The following AK5 variants were observed in gnomAD, a reference collection of about 807,000 sequenced individuals.
AK5 encodes adenylate kinase 5, also known as adenylate kinase isoenzyme 5.
AK5 carries 27 observed loss-of-function variants against 69.5 expected under a neutral mutation model. The ratio of observed to expected loss-of-function variants is 0.39; its 90% CI spans 0.29 to 0.54. The LOEUF (loss-of-function observed/expected upper bound fraction) is 0.54, where lower values mean the gene tolerates loss of function less well. Ranked by LOEUF, AK5 falls within the 20% of genes least tolerant of loss-of-function variation. The pLI is 0.71. For synonymous variants in AK5, 260 were observed against 244.4 expected, an observed-to-expected ratio of 1.06 and a Z score of -0.60; for missense variants, 531 against 700.4, an observed-to-expected ratio of 0.76 and a Z score of 2.73.
chr1:77,386,647 T>C (rs11162332), intron 6 of AK5, among the ~76,000 whole-genome samples: 60,928 of 151,974 alleles, frequency 0.4, 13,030 homozygotes, highest in East Asian at 0.63. Context: ...TTGTATGTGT[T>C]TGAAAATTTC....
chr1:77,323,802 A>T (rs1660652545), intron 5 of AK5, among the ~76,000 whole-genome samples: 2 of 152,112 alleles, frequency 1.3e-5, no homozygotes, highest in African/African-American at 4.8e-5. Context: ...GTGTAGATAG[A>T]TATAACACAC....
At chr1:77,309,957 T>C (rs928748597) in intron 5 of AK5, among the ~76,000 whole-genome samples, 1 of 152,162 alleles carries the variant, frequency 6.6e-6, no homozygotes, top group African/African-American at 2.4e-5. Context: ...TTGGAATTGG[T>C]GTATTTTTCA....
At chr1:77,301,328 G>A (rs1460358457) in intron 5 of AK5, among the ~76,000 whole-genome samples, 1 of 152,140 alleles carries the variant, frequency 6.6e-6, no homozygotes, top group African/African-American at 2.4e-5. Context: ...GAATGTGAAG[G>A]TCTGAAGTCT....
chr1:77,456,473 A>G (rs1374978951), intron 8 of AK5, among the ~76,000 whole-genome samples: 1 of 152,212 alleles, frequency 6.6e-6, no homozygotes, highest in Non-Finnish European at 1.5e-5. Context: ...TGACCTGGAT[A>G]CATTTCTCCA....
At chr1:77,458,840 A>G (rs1653658264) in intron 8 of AK5, among the ~76,000 whole-genome samples, 1 of 152,214 alleles carries the variant, frequency 6.6e-6, no homozygotes, top group Non-Finnish European at 1.5e-5. Context: ...GGATTAATAC[A>G]TGAACTTCTC....
chr1:77,504,849 A>G (rs1478767106), intron 10 of AK5, among the ~76,000 whole-genome samples: 1 of 152,214 alleles, frequency 6.6e-6, no homozygotes, highest in Admixed American at 6.5e-5. Flanking sequence ...CATCATTTTA[A>G]TGACTGCATC....
intron 5 of AK5, among the ~76,000 whole-genome samples, chr1:77,320,968 G>T (rs1660499326): frequency 6.6e-6 from 1 of 152,094 alleles, no homozygotes; most frequent in South Asian, 2.1e-4. Flanking sequence ...AATAAAGGAA[G>T]AAATAGACAA....
chr1:77,548,898 C>CTTT (rs34026852), intron 13 of AK5, among the ~76,000 whole-genome samples: 24 of 87,886 alleles, frequency 2.7e-4, no homozygotes, highest in South Asian at 8.1e-4. Context: ...TTGCTTTTAG[C>CTTT]TTTTTTTTTT....
chr1:77,505,209 G>A (rs61777063), intron 10 of AK5, among the ~76,000 whole-genome samples: 4,708 of 152,194 alleles, frequency 0.031, 66 homozygotes, highest in Middle Eastern at 0.078. Context: ...TCCCTTTACT[G>A]TGCACAAATA....
rs570784894 is a variant in AK5, at chr1:77,381,780, A to G, written c.892-29201A>G. Among the ~76,000 whole-genome samples the G allele has an allele frequency of 1.4e-3, 214 of 152,342 alleles. 1 individual carries two copies. Among genetic ancestry groups the G allele is most frequent in the South Asian group, 0.011 (51 of 4,824 alleles). On this transcript the variant is annotated intron_variant, in intron 6 of 13. Coordinates refer to ENST00000354567, the MANE Select transcript of AK5 (RefSeq NM_174858.3). ...GAGCATTCAGAGTTCTCTATTTTGT[A>G]TATTCAGCTAAATTATAGAGACACT... is the stretch of plus-strand genomic sequence containing the variant.
At chr1:77,523,156 A>C (rs1370115882) in intron 12 of AK5, among the ~76,000 whole-genome samples, 1 of 152,218 alleles carries the variant, frequency 6.6e-6, no homozygotes, top group African/African-American at 2.4e-5. Context: ...TAATTTCCTT[A>C]GTGTCAAAAT....
intron 8 of AK5, among the ~76,000 whole-genome samples, chr1:77,434,390 A>G (rs1331940964): frequency 1.3e-5 from 2 of 152,186 alleles, no homozygotes; most frequent in Admixed American, 6.5e-5. Context: ...TAATATCTCT[A>G]TAAGTTGAGA....
At chr1:77,353,270 G>C (rs368058232) in intron 6 of AK5, among the ~76,000 whole-genome samples, 2 of 152,208 alleles carry the variant, frequency 1.3e-5, no homozygotes, top group African/African-American at 4.8e-5. Context: ...CTGAGGTCAG[G>C]AGTTCAAGAC....
At chr1:77,398,442 C>A (rs1488849836) in intron 6 of AK5, among the ~76,000 whole-genome samples, 1 of 152,130 alleles carries the variant, frequency 6.6e-6, no homozygotes, top group Non-Finnish European at 1.5e-5. Flanking sequence ...TGGAAGCTTT[C>A]TTGGCAAAGC....
intron 5 of AK5, among the ~76,000 whole-genome samples, chr1:77,334,049 C>T (rs373083094): frequency 2.0e-5 from 3 of 152,066 alleles, no homozygotes; most frequent in South Asian, 2.1e-4. Flanking sequence ...CATTGCCCTT[C>T]GTTCATTCTT....
At chr1:77,471,554 G>T (rs1050343471) in intron 8 of AK5, among the ~76,000 whole-genome samples, 2 of 152,144 alleles carry the variant, frequency 1.3e-5, no homozygotes, top group African/African-American at 4.8e-5. Context: ...TTTGGGGCTG[G>T]TTAGAGACCT....
At chr1:77,332,800 C>T (rs1350182612) in intron 5 of AK5, among the ~76,000 whole-genome samples, 1 of 147,996 alleles carries the variant, frequency 6.8e-6, no homozygotes, top group Non-Finnish European at 1.5e-5. Context: ...ATGGTTGCAG[C>T]ATTATAAATA....
intron 8 of AK5, among the ~76,000 whole-genome samples, chr1:77,446,430 A>C (rs954948984): frequency 1.4e-4 from 21 of 152,194 alleles, no homozygotes; most frequent in African/African-American, 4.6e-4. Context: ...GGATAAATAC[A>C]AATTTTAGAA....
At chr1:77,367,739 T>A (rs1373865355) in intron 6 of AK5, among the ~76,000 whole-genome samples, 18 of 11,672 alleles carry the variant, frequency 1.5e-3, no homozygotes, top group East Asian at 4.4e-3. Context: ...TATATATACG[T>A]TATATGTTAT....
Sources: gnomAD v4.1 joint callset for allele counts (sites outside exome capture counted in the v4.1 genomes callset) on GRCh38, gnomAD v4.1.1 for gene constraint, MANE v1.5 for transcripts, NCBI Gene and HGNC (gene_info 2026-07-23, HGNC 2026-07-21) for gene names.